The following MYLK variants were observed in gnomAD, a reference collection of about 807,000 sequenced individuals.
MYLK encodes the protein myosin light chain kinase.
In MYLK, 106 loss-of-function variants were observed where a neutral mutation model predicts 203.4. The ratio of observed to expected loss-of-function variants is 0.52; its 90% CI spans 0.45 to 0.61. The LOEUF (loss-of-function observed/expected upper bound fraction) is 0.61. Among genes scored for constraint, MYLK ranks in the 20% least tolerant of loss-of-function variants. The pLI, the probability that MYLK is intolerant of heterozygous loss-of-function variation, is 0.00. For missense variants in MYLK, 2,072 were observed against 2,442.3 expected, an observed-to-expected ratio of 0.85 and a Z score of 3.20; for synonymous variants, 867 against 959.5, an observed-to-expected ratio of 0.90 and a Z score of 1.78.
intron 20 of MYLK, among the ~76,000 whole-genome samples, chr3:123,671,660 G>A (rs923765360): frequency 6.6e-6 from 1 of 152,182 alleles, no homozygotes; most frequent in African/African-American, 2.4e-5. Context: ...GAGGTGAAAG[G>A]ACAAAGAGAA....
chr3:123,880,191 C>T lies in MYLK; in HGVS notation c.-185-3574G>A, dbSNP rs185029000. ...CAGCTCACAGAGGTTAAAACCCATG[C>T]CCAAGAACACCCAGCCAGTAAGTGA... On this transcript the variant is annotated intron_variant, in intron 1 of 33. Transcript: ENST00000360304. Among the ~76,000 whole-genome samples the T allele has an allele frequency of 1.6e-4, 24 of 152,260 alleles. No homozygotes were observed. The East Asian group carries it at 2.1e-3, about 13-fold the overall frequency.
chr3:123,810,853 A>T (rs751632249), intron 3 of MYLK, among the ~76,000 whole-genome samples: 5 of 152,244 alleles, frequency 3.3e-5, no homozygotes, highest in Non-Finnish European at 5.9e-5. Flanking sequence ...GTTGCTGAGA[A>T]CAACTGATTT....
intron 19 of MYLK, among the ~76,000 whole-genome samples, chr3:123,688,343 C>A (rs2060537903): frequency 6.6e-6 from 1 of 152,076 alleles, no homozygotes; most frequent in African/African-American, 2.4e-5. Flanking sequence ...TGCCCCCCAG[C>A]CCCACCATTG....
chr3:123,856,274 T>C (rs563457175), intron 2 of MYLK, among the ~76,000 whole-genome samples: 2 of 152,298 alleles, frequency 1.3e-5, no homozygotes, highest in East Asian at 3.9e-4. Flanking sequence ...ATTGGAACAT[T>C]TTCCTCTGTA....
At chr3:123,654,965 G>A (rs989040693) in intron 24 of MYLK, among the ~76,000 whole-genome samples, 14 of 152,036 alleles carry the variant, frequency 9.2e-5, no homozygotes, top group Admixed American at 7.9e-4. Context: ...CGATCCACCC[G>A]CTTCAGCCTC....
chr3:123,702,347 T>C (rs2061274106), intron 16 of MYLK, among the ~76,000 whole-genome samples: 2 of 152,216 alleles, frequency 1.3e-5, no homozygotes, highest in South Asian at 4.1e-4. Context: ...CAGAGGTGAC[T>C]AGTGATGGTT....
At chr3:123,744,279 C>T (rs1371275389) in intron 5 of MYLK, among the ~76,000 whole-genome samples, 4 of 152,152 alleles carry the variant, frequency 2.6e-5, no homozygotes, top group African/African-American at 9.7e-5. Context: ...CATAAGTGCT[C>T]AGGCACATTA....
intron 2 of MYLK, 100 bp downstream of exon 2, chr3:123,876,459 G>C (rs2033158078): frequency 6.6e-6 from 1 of 152,076 alleles, no homozygotes; most frequent in South Asian, 2.1e-4. Context: ...TATATGAAAG[G>C]AAGTGCTTTT....
intron 3 of MYLK, among the ~76,000 whole-genome samples, chr3:123,815,916 C>A (rs2065733687): frequency 6.6e-6 from 1 of 152,196 alleles, no homozygotes; most frequent in African/African-American, 2.4e-5. Context: ...CTATAATAGT[C>A]CCTGGAGACA....
intron 2 of MYLK, among the ~76,000 whole-genome samples, chr3:123,834,657 C>T (rs1342581811): frequency 2.0e-5 from 3 of 152,020 alleles, no homozygotes; most frequent in African/African-American, 7.3e-5. Flanking sequence ...GAATGTCCTA[C>T]ATTAAATAGA....
chr3:123,679,840 C>G (rs1299758973), intron 20 of MYLK, among the ~76,000 whole-genome samples: 2 of 152,142 alleles, frequency 1.3e-5, no homozygotes, highest in African/African-American at 4.8e-5. Flanking sequence ...ACATGATACC[C>G]TAAGGATGTT....
At chr3:123,769,327 A>G (rs2063801465) in intron 4 of MYLK, among the ~76,000 whole-genome samples, 2 of 152,258 alleles carry the variant, frequency 1.3e-5, no homozygotes, top group South Asian at 4.1e-4. Context: ...ATTTTAAACC[A>G]GAATGGCTCA....
chr3:123,685,836 T>G (rs1387612740), intron 19 of MYLK, among the ~76,000 whole-genome samples: 2 of 152,172 alleles, frequency 1.3e-5, no homozygotes, highest in Non-Finnish European at 2.9e-5. Flanking sequence ...TTGAGTCTTA[T>G]TTTTAGAAGT....
intron 16 of MYLK, among the ~76,000 whole-genome samples, 200 bp from the exon 17 acceptor site, chr3:123,701,709 AAAG>A (rs1418758115): frequency 5.9e-5 from 9 of 152,238 alleles, no homozygotes; most frequent in African/African-American, 9.6e-5. Context: ...TCTTATTTAA[AAAG>A]AAGAAGAAAA....
intron 2 of MYLK, among the ~76,000 whole-genome samples, chr3:123,858,179 T>C (rs2031581132): frequency 6.6e-6 from 1 of 152,204 alleles, no homozygotes; most frequent in Admixed American, 6.5e-5. Flanking sequence ...CCAGATCCTG[T>C]GGTATTGTCC....
chr3:123,614,012 G>A lies in MYLK; in HGVS notation c.*93C>T, dbSNP rs1046905072. On this transcript the variant is annotated 3_prime_UTR_variant, in exon 34 of 34. Coordinates refer to ENST00000360304, the MANE Select transcript of MYLK (RefSeq NM_053025.4). ...TAACCGATAATCTATCACACTAGGT[G>A]CTTTTACTATCTTGAGTTTTTTTTT... The A allele has an allele frequency of 3.4e-6, 5 of 1,471,802 alleles. No individual in the cohort carries two copies. The highest frequency in any genetic ancestry group is 4.7e-6 in the Non-Finnish European group (5 of 1,072,486). The allele number at this position is 1,471,802 out of a possible 1,614,324, so 91.2% of individuals were successfully genotyped here.
intron 20 of MYLK, among the ~76,000 whole-genome samples, chr3:123,678,026 G>A (rs1481802005): frequency 7.3e-5 from 11 of 151,044 alleles, no homozygotes; most frequent in African/African-American, 2.2e-4. Context: ...TACTAGCTGT[G>A]AGACCCTGGA....
chr3:123,615,228 A>G (rs769090973), intron 33 of MYLK, among the ~76,000 whole-genome samples: 6 of 152,064 alleles, frequency 3.9e-5, no homozygotes, highest in Non-Finnish European at 8.8e-5. Context: ...CTTGGCCAAC[A>G]TGGCAAAAAA....
intron 11 of MYLK, among the ~76,000 whole-genome samples, chr3:123,728,682 C>A (rs2062378845): frequency 6.6e-6 from 1 of 152,154 alleles, no homozygotes; most frequent in South Asian, 2.1e-4. Context: ...CTTGCCCCAG[C>A]TCTGGGGTAA....
Sources: gnomAD v4.1 joint callset for allele counts (sites outside exome capture counted in the v4.1 genomes callset) on GRCh38, gnomAD v4.1.1 for gene constraint, MANE v1.5 for transcripts, NCBI Gene and HGNC (gene_info 2026-07-23, HGNC 2026-07-21) for gene names.